The following GPC5 variants were observed in gnomAD, a reference collection of about 807,000 sequenced individuals.
GPC5 encodes glypican 5, also known as glypican-5.
In GPC5, 47 loss-of-function variants were observed where a neutral mutation model predicts 53.9. That is an observed-to-expected ratio of 0.87 (90% confidence interval 0.69 to 1.11). The LOEUF (loss-of-function observed/expected upper bound fraction) is 1.11, where lower values mean the gene tolerates loss of function less well. GPC5 is among the 50% of genes most tolerant of loss of function. The pLI is 0.00. For missense variants in GPC5, 748 were observed against 713.1 expected, an observed-to-expected ratio of 1.05 and a Z score of -0.56; for synonymous variants, 286 against 263.3, an observed-to-expected ratio of 1.09 and a Z score of -0.84.
intron 7 of GPC5, among the ~76,000 whole-genome samples, chr13:92,567,839 G>T (rs1249433947): frequency 6.6e-6 from 1 of 152,108 alleles, no homozygotes; most frequent in South Asian, 2.1e-4. Context: ...ATTGTTTTAA[G>T]CCACTAAGTT....
At chr13:92,001,653 G>T (rs188136884) in intron 6 of GPC5, among the ~76,000 whole-genome samples, 32 of 152,192 alleles carry the variant, frequency 2.1e-4, no homozygotes, top group Non-Finnish European at 4.0e-4. Flanking sequence ...GGATACTGAA[G>T]AAATTTAATT....
At chr13:91,828,272 A>G (rs1222199042) in intron 5 of GPC5, among the ~76,000 whole-genome samples, 2 of 151,982 alleles carry the variant, frequency 1.3e-5, no homozygotes, top group African/African-American at 2.4e-5. Context: ...ATTTCACCCT[A>G]TGTCACTACT....
chr13:92,860,871 G>T (rs1221633570), intron 7 of GPC5, among the ~76,000 whole-genome samples: 1 of 151,940 alleles, frequency 6.6e-6, no homozygotes, highest in East Asian at 1.9e-4. Flanking sequence ...GACACTAAGA[G>T]AAACATATTT....
chr13:92,791,706 T>C (rs538417542), intron 7 of GPC5, among the ~76,000 whole-genome samples: 1 of 152,266 alleles, frequency 6.6e-6, no homozygotes, highest in African/African-American at 2.4e-5. Context: ...TATATGTATA[T>C]AAGCACATTG....
intron 7 of GPC5, among the ~76,000 whole-genome samples, chr13:92,790,426 T>C (rs1235521395): frequency 6.6e-6 from 1 of 152,138 alleles, no homozygotes; most frequent in African/African-American, 2.4e-5. Context: ...TTAGTAGATC[T>C]TGAGTGACTT....
chr13:91,780,009 C>G (rs1330912326), intron 5 of GPC5, among the ~76,000 whole-genome samples: 1 of 152,090 alleles, frequency 6.6e-6, no homozygotes, highest in Non-Finnish European at 1.5e-5. Context: ...TATATAATTG[C>G]ATGTGTTATA....
At position 91,622,052 on chromosome 13, in the gene GPC5, G is replaced by C. The variant is rs183665804; in HGVS notation, c.326-71135G>C. On this transcript the variant is annotated intron_variant, in intron 2 of 7. Coordinates refer to ENST00000377067, the MANE Select transcript of GPC5 (RefSeq NM_004466.6). ...CATCCAGCACAGGAGAAAGATGAAG[G>C]CTGGAAGGCTCAGCAAGTCTGCCCT... Among the ~76,000 whole-genome samples, 406 of 152,026 alleles carry C rather than the reference G, an allele frequency of 2.7e-3. 3 individuals carry two copies. The highest frequency in any genetic ancestry group is 9.2e-3 in the African/African-American group (383 of 41,482).
intron 7 of GPC5, among the ~76,000 whole-genome samples, chr13:92,815,193 C>G (rs1287186567): frequency 6.6e-6 from 1 of 151,948 alleles, no homozygotes; most frequent in Middle Eastern, 3.4e-3. Context: ...GCAGTAACTG[C>G]TATGAAAGCA....
chr13:92,132,616 T>C (rs1202885389), intron 6 of GPC5, among the ~76,000 whole-genome samples: 1 of 152,102 alleles, frequency 6.6e-6, no homozygotes, highest in Non-Finnish European at 1.5e-5. Flanking sequence ...CTTCCCTCTG[T>C]GCGTATTCCT....
chr13:91,940,558 A>G (rs1052632209), intron 6 of GPC5, among the ~76,000 whole-genome samples: 1 of 152,070 alleles, frequency 6.6e-6, no homozygotes, highest in African/African-American at 2.4e-5. Flanking sequence ...TAGTTCTTTG[A>G]GAAAACTCCA....
At chr13:91,679,324 A>C (rs2035455139) in intron 2 of GPC5, among the ~76,000 whole-genome samples, 1 of 152,272 alleles carries the variant, frequency 6.6e-6, no homozygotes, top group Middle Eastern at 3.4e-3. Flanking sequence ...TTGAGTCCAG[A>C]TGCTTAGATG....
At chr13:91,946,751 G>A (rs1379850895) in intron 6 of GPC5, among the ~76,000 whole-genome samples, 1 of 152,062 alleles carries the variant, frequency 6.6e-6, no homozygotes, top group East Asian at 1.9e-4. Flanking sequence ...TCCAAATCCT[G>A]GGGTTTATAG....
intron 7 of GPC5, among the ~76,000 whole-genome samples, chr13:92,553,145 C>T (rs1452941125): frequency 6.6e-6 from 1 of 151,936 alleles, no homozygotes; most frequent in Non-Finnish European, 1.5e-5. Context: ...TTTGTTTCTG[C>T]ATTTCTTGTT....
intron 6 of GPC5, among the ~76,000 whole-genome samples, chr13:92,139,680 A>AAAAAAAAGAG (rs532196727): frequency 3.6e-5 from 5 of 140,806 alleles, no homozygotes; most frequent in Admixed American, 7.4e-5. Flanking sequence ...AAAAAAAAAA[A>AAAAAAAAGAG]AAAAAGTGTT....
At chr13:92,019,229 A>G (rs191310080) in intron 6 of GPC5, among the ~76,000 whole-genome samples, 1 of 151,138 alleles carries the variant, frequency 6.6e-6, no homozygotes, top group Non-Finnish European at 1.5e-5. Flanking sequence ...TAAGCTCTAT[A>G]TATTATAGCT....
intron 4 of GPC5, among the ~76,000 whole-genome samples, chr13:91,742,486 T>A (rs1466877009): frequency 6.6e-6 from 1 of 152,180 alleles, no homozygotes; most frequent in Non-Finnish European, 1.5e-5. Flanking sequence ...TTAAATGAAA[T>A]CCACATAGTA....
intron 7 of GPC5, among the ~76,000 whole-genome samples, chr13:92,668,583 G>A (rs1886647131): frequency 2.0e-5 from 3 of 152,118 alleles, no homozygotes; most frequent in South Asian, 4.2e-4. Context: ...CTTAGCTTAA[G>A]TCATGATTTT....
At chr13:91,435,744 A>G (rs999392010) in intron 1 of GPC5, among the ~76,000 whole-genome samples, 5 of 152,288 alleles carry the variant, frequency 3.3e-5, no homozygotes, top group Admixed American at 3.3e-4. Flanking sequence ...ATTGATTGAA[A>G]TAGTTTCAGA....
At chr13:91,957,633 G>A (rs1456719278) in intron 6 of GPC5, among the ~76,000 whole-genome samples, 4 of 152,116 alleles carry the variant, frequency 2.6e-5, no homozygotes, top group African/African-American at 9.7e-5. Context: ...GGTCAGGAGA[G>A]AATGGGATGA....
Sources: allele counts gnomAD v4.1 joint callset (sites outside exome capture counted in the v4.1 genomes callset), GRCh38; gene constraint gnomAD v4.1.1; transcripts MANE v1.5; gene names NCBI Gene and HGNC (gene_info 2026-07-23, HGNC 2026-07-21).